AKAP1: variants seen among roughly 807,000 people sequenced by gnomAD.
AKAP1 encodes the protein A-kinase anchoring protein 1, also known as A-kinase anchor protein 1, mitochondrial.
In AKAP1, 32 loss-of-function variants were observed where a neutral mutation model predicts 79.8. That is an observed-to-expected ratio of 0.40 (90% confidence interval 0.30 to 0.54). The LOEUF (loss-of-function observed/expected upper bound fraction) is 0.54, where lower values mean the gene tolerates loss of function less well. AKAP1 is among the 20% of genes least tolerant of loss of function. AKAP1 has a pLI of 0.47. For synonymous variants in AKAP1, 416 were observed against 466.7 expected, an observed-to-expected ratio of 0.89 and a Z score of 1.40; for missense variants, 961 against 1,138.9, an observed-to-expected ratio of 0.84 and a Z score of 2.25.
chr17:57,110,229 T>G (rs1272717623), intron 3 of AKAP1, 71 bp downstream of exon 3: 2 of 1,571,784 alleles, frequency 1.3e-6, no homozygotes, highest in Non-Finnish European at 1.7e-6. Context: ...CCATTAGACC[T>G]CAGGGAGGGA....
rs112860482 is a variant in AKAP1 at position 57,099,957 on chromosome 17, G to A, written c.-24-5484G>A. ...CCCTTATGGGATCTTGGGAGGCTGG[G>A]TGTGGTGGTGTGGTGTGGGACCAGC... is the stretch of plus-strand genomic sequence containing the variant. On this transcript the variant is annotated intron_variant, in intron 1 of 10. Transcript: ENST00000337714. Among the ~76,000 whole-genome samples, 3 of 152,122 alleles carry A rather than the reference G, an allele frequency of 2.0e-5. No individual in the cohort carries two copies. The South Asian group carries it at 6.2e-4, about 31-fold the overall frequency.
At chr17:57,108,799 G>C (rs957426406) in intron 2 of AKAP1, among the ~76,000 whole-genome samples, 6 of 152,234 alleles carry the variant, frequency 3.9e-5, no homozygotes, top group Non-Finnish European at 5.9e-5. Flanking sequence ...TCCGGGTGTG[G>C]TTCTGAGCCA....
At chr17:57,093,844 T>G (rs1913929097) in intron 1 of AKAP1, 1 of 151,794 alleles carries the variant, frequency 6.6e-6, no homozygotes, top group African/African-American at 2.4e-5. Context: ...TTTTTAAGGA[T>G]TATTATCTGA....
chr17:57,112,692 G>T, intron 5 of AKAP1, 74 bp downstream of exon 5: 2 of 1,532,626 alleles, frequency 1.3e-6, no homozygotes, highest in Non-Finnish European at 1.8e-6. Flanking sequence ...AAACTCCCCA[G>T]ACCTCAGGCT....
At chr17:57,102,739 TA>T (rs1914603006) in intron 1 of AKAP1, among the ~76,000 whole-genome samples, 1 of 152,144 alleles carries the variant, frequency 6.6e-6, no homozygotes. Context: ...CTGAAAGTGC[TA>T]GGATTATAGG....
At chr17:57,094,607 C>CTTTTTTTTTTTTTTTTTTTTTT (rs11286844) in intron 1 of AKAP1, 1 of 119,214 alleles carries the variant, frequency 8.4e-6, no homozygotes, top group African/African-American at 3.0e-5. Flanking sequence ...TCCCCCCCAA[C>CTTTTTTTTTTTTTTTTTTTTTT]TTTTTTTTTT....
At chr17:57,108,124 A>G in intron 2 of AKAP1, 1 of 805,510 alleles carries the variant, frequency 1.2e-6, no homozygotes, top group Non-Finnish European at 1.6e-6. Context: ...GGCCACGAAT[A>G]TCCCGAGTGG....
Position 57,106,523 on chromosome 17 carries a change from C to G in AKAP1, c.1059C>G (p.Ser353=). The change falls in exon 2 of 11, where the codon TCC becomes TCG. Residue 353 remains serine (S), a synonymous_variant. Transcript: ENST00000337714. ...AGCGGGCTGCCTTCCAGATAATCTC[C>G]CAAGTGATCTCAGAAGCAACCGAAC... The part of the protein sequence containing the change: ...EIKRAAFQII[S]QVISEATEQV... 1 of 1,614,148 alleles carries G rather than the reference C, an allele frequency of 6.2e-7. No individual in the cohort carries two copies. Among genetic ancestry groups the G allele is most frequent in the Non-Finnish European group, 8.5e-7 (1 of 1,180,036 alleles).
chr17:57,112,377 A>G, intron 4 of AKAP1, 114 bp from the exon 5 acceptor site: 4 of 1,321,818 alleles, frequency 3.0e-6, no homozygotes, highest in Non-Finnish European at 4.2e-6. Flanking sequence ...TCAAAGATGC[A>G]CTTGAACTCT....
chr17:57,105,379 T>C, intron 1 of AKAP1, 62 bp from the exon 2 acceptor site: 1 of 1,495,238 alleles, frequency 6.7e-7, no homozygotes, highest in South Asian at 1.1e-5. Flanking sequence ...CATGTGCGGT[T>C]GCCAGTATCC....
intron 6 of AKAP1, 100 bp from the exon 7 acceptor site, chr17:57,116,011 G>A (rs1915555363): frequency 7.1e-7 from 1 of 1,403,006 alleles, no homozygotes; most frequent in African/African-American, 1.4e-5. Flanking sequence ...GAGGTTGCAG[G>A]CCTCTGAGAG....
At chr17:57,093,030 C>A (rs553087322) in intron 1 of AKAP1, 73 of 152,488 alleles carry the variant, frequency 4.8e-4, no homozygotes, top group African/African-American at 1.7e-3. Flanking sequence ...TTCCAAGAGG[C>A]ATTCCCGCCT....
intron 1 of AKAP1, chr17:57,092,119 C>T (rs905206785): frequency 6.6e-6 from 1 of 152,162 alleles, no homozygotes; most frequent in East Asian, 1.9e-4. Flanking sequence ...AAAATGCAAA[C>T]ATGAAAGGAG....
At chr17:57,113,594 CTTTTT>C (rs1036422001) in intron 5 of AKAP1, among the ~76,000 whole-genome samples, 12 of 82,508 alleles carry the variant, frequency 1.5e-4, no homozygotes, top group African/African-American at 5.9e-4. Flanking sequence ...GACTCACTCT[CTTTTT>C]TTTTTTTTTT....
chr17:57,102,968 T>TA (rs1290632578), intron 1 of AKAP1, among the ~76,000 whole-genome samples: 3 of 151,986 alleles, frequency 2.0e-5, no homozygotes, highest in African/African-American at 7.3e-5. Context: ...TAGACCCAGC[T>TA]ACTCTGGAGG....
At position 57,116,258 on chromosome 17, in the gene AKAP1, T is replaced by G. The variant is rs1310929829; in HGVS notation, c.2429T>G (p.Ile810Ser). 2 of 1,614,032 alleles carry G rather than the reference T, an allele frequency of 1.2e-6. No homozygotes were observed. The highest frequency in any genetic ancestry group is 1.7e-6 in the Non-Finnish European group (2 of 1,179,984). The stretch of plus-strand genomic sequence containing the variant: ...GTGAAAGTAGACGTGCTCCGGCAAA[T>G]CAGGTGAGCGGAGATGCCTCAGGCA... ...KRVKVDVLRQ[I>S]RSDFVTLPFQ... is the part of the protein sequence containing the mutation. The change falls in exon 7 of 11, where the codon ATC (isoleucine) becomes AGC (serine). Residue 810 changes from isoleucine (I) to serine (S), a missense_variant. This residue lies in a region of AKAP1 where 629 missense variants were observed against 781.1 expected (regional missense o/e 0.81). Transcript: ENST00000337714.
At chr17:57,120,054 G>A (rs1915835159) in intron 10 of AKAP1, among the ~76,000 whole-genome samples, 196 bp from the exon 11 acceptor site, 1 of 151,844 alleles carries the variant, frequency 6.6e-6, no homozygotes, top group Non-Finnish European at 1.5e-5. Flanking sequence ...TCGAACTCCT[G>A]ACCTCAGGTG....
intron 4 of AKAP1, among the ~76,000 whole-genome samples, chr17:57,112,230 G>A (rs988668138): frequency 1.3e-5 from 2 of 152,156 alleles, no homozygotes; most frequent in Non-Finnish European, 2.9e-5. Flanking sequence ...AGTGCCCTGT[G>A]TGCAATTCCC....
intron 6 of AKAP1, among the ~76,000 whole-genome samples, chr17:57,115,524 C>T (rs1915527835): frequency 6.6e-6 from 1 of 152,160 alleles, no homozygotes; most frequent in Non-Finnish European, 1.5e-5. Flanking sequence ...ACCTCCTGGT[C>T]TCGTCTGCCT....
Sources: allele counts gnomAD v4.1 joint callset (sites outside exome capture counted in the v4.1 genomes callset), GRCh38; gene constraint gnomAD v4.1.1; regional missense constraint gnomAD v4.1.1; transcripts MANE v1.5; gene names NCBI Gene and HGNC (gene_info 2026-07-23, HGNC 2026-07-21).